The following EYS variants were observed in gnomAD, a reference collection of about 807,000 sequenced individuals.
EYS encodes EGF-like photoreceptor maintenance factor, also known as protein eyes shut homolog.
Under a neutral mutation model 282.1 loss-of-function variants are expected in EYS, and 250 were observed. The ratio of observed to expected loss-of-function variants is 0.89; its 90% confidence interval spans 0.80 to 0.98. EYS has a LOEUF of 0.98. EYS is among the 50% of genes least tolerant of loss of function. EYS has a pLI of 0.00. For synonymous variants in EYS, 1,355 were observed against 1,282.9 expected (o/e 1.06, Z -1.20); for missense variants, 4,016 against 3,709.0 (o/e 1.08, Z -2.15).
chr6:64,484,400 G>T (rs1776523752), intron 26 of EYS, among the ~76,000 whole-genome samples: 1 of 151,474 alleles, frequency 6.6e-6, no homozygotes, highest in Non-Finnish European at 1.5e-5. Flanking sequence ...TAGTAAAAAT[G>T]CTGCTCATGC....
At chr6:64,796,273 G>T (rs1774352215) in intron 22 of EYS, among the ~76,000 whole-genome samples, 1 of 147,336 alleles carries the variant, frequency 6.8e-6, no homozygotes, top group Non-Finnish European at 1.5e-5. Flanking sequence ...GTAGCTACTG[G>T]GATGGGCCAT....
intron 10 of EYS, among the ~76,000 whole-genome samples, chr6:65,340,998 T>G (rs562853853): frequency 6.6e-6 from 1 of 151,214 alleles, no homozygotes; most frequent in Non-Finnish European, 1.5e-5. Context: ...TTCACAAATG[T>G]CATGTTTCTG....
chr6:64,805,191 G>A (rs543742295), intron 22 of EYS, among the ~76,000 whole-genome samples: 127 of 152,024 alleles, frequency 8.4e-4, no homozygotes, highest in South Asian at 7.1e-3. Context: ...TGAATTAAAC[G>A]AGTAGTCTCA....
intron 31 of EYS, among the ~76,000 whole-genome samples, chr6:64,094,110 T>G (rs1772485396): frequency 1.3e-5 from 2 of 152,200 alleles, no homozygotes; most frequent in Non-Finnish European, 2.9e-5. Flanking sequence ...GAAGCCCACT[T>G]GATCATGGTG....
chr6:64,920,543 C>G (rs1448720757), intron 15 of EYS, among the ~76,000 whole-genome samples: 2 of 152,026 alleles, frequency 1.3e-5, no homozygotes, highest in Non-Finnish European at 2.9e-5. Context: ...CCAAGTAAGT[C>G]TGCTTTTAAA....
intron 12 of EYS, among the ~76,000 whole-genome samples, chr6:65,172,990 A>G (rs1765141034): frequency 6.6e-6 from 1 of 151,190 alleles, no homozygotes; most frequent in Non-Finnish European, 1.5e-5. Context: ...TTTAAAAAAA[A>G]AAAAACTTAG....
At chr6:63,802,465 T>TAA (rs544584332) in intron 37 of EYS, among the ~76,000 whole-genome samples, 1,790 of 144,902 alleles carry the variant, frequency 0.012, 30 homozygotes, top group African/African-American at 0.043. Flanking sequence ...AAAGTAAAAT[T>TAA]AAAAAAAAAA....
intron 1 of EYS, among the ~76,000 whole-genome samples, chr6:65,643,430 C>T (rs376677861): frequency 8.5e-5 from 13 of 152,280 alleles, no homozygotes; most frequent in East Asian, 7.7e-4. Context: ...TGCTACCACC[C>T]GGTGGTCTTT....
chr6:65,510,155 A>C (rs1010956103), intron 2 of EYS, among the ~76,000 whole-genome samples: 1 of 140,356 alleles, frequency 7.1e-6, no homozygotes, highest in Non-Finnish European at 1.6e-5. Context: ...ATATCTCCCA[A>C]TGCTATCCCT....
chr6:65,220,747 G>A (rs545671601), intron 12 of EYS, among the ~76,000 whole-genome samples: 3 of 152,072 alleles, frequency 2.0e-5, no homozygotes, highest in Non-Finnish European at 4.4e-5. Context: ...AGGGTTCAGA[G>A]GAAGACAGAA....
intron 19 of EYS, among the ~76,000 whole-genome samples, chr6:64,829,793 G>C (rs900684951): frequency 2.6e-5 from 4 of 151,972 alleles, no homozygotes; most frequent in African/African-American, 9.7e-5. Context: ...GGGGGTAAAA[G>C]TGAGTGAACC....
chr6:65,183,470 G>T lies in EYS; in HGVS notation c.2023+112393C>A, dbSNP rs1765441800. ...AAGGATCTTCTTTAAATTTTATATG[G>T]AATTTTGATGATGTGATAAAAGTGA... On this transcript the variant is annotated intron_variant, in intron 12 of 42. Transcript: ENST00000503581. 2.0e-5 allele frequency among the ~76,000 whole-genome samples: 3 copies of T among 151,826 alleles called. No homozygotes were observed. In the South Asian group the frequency reaches 6.2e-4, roughly 32 times the overall value.
At position 64,895,028 on chromosome 6, in the gene EYS, C is replaced by A. The variant is rs79231696; in HGVS notation, c.2846+7085G>T. 1.3e-3 allele frequency among the ~76,000 whole-genome samples: 204 copies of A among 152,192 alleles called. 2 individuals are homozygous for A. The highest frequency in any genetic ancestry group is 6.6e-3 in the Admixed American group (101 of 15,286). On this transcript the variant is annotated intron_variant, in intron 18 of 42. Transcript: ENST00000503581. ...TAGACCAATGGAGATTTTAAAGTGA[C>A]AGCAATTCTCTATTCCTGTGGTACT... is the stretch of plus-strand genomic sequence containing the variant.
intron 12 of EYS, 159 bp downstream of exon 12, chr6:65,295,704 T>A (rs1223636086): frequency 9.6e-6 from 6 of 622,854 alleles, no homozygotes; most frequent in Non-Finnish European, 1.5e-5. Context: ...ATCCTATTAT[T>A]CAAGTGAATG....
chr6:65,208,011 A>T (rs1346368819), intron 12 of EYS, among the ~76,000 whole-genome samples: 2 of 151,828 alleles, frequency 1.3e-5, no homozygotes, highest in African/African-American at 4.8e-5. Context: ...AAAAATAGAT[A>T]ACTGGGAATT....
At chr6:64,268,269 C>A (rs1767824176) in intron 30 of EYS, among the ~76,000 whole-genome samples, 1 of 151,938 alleles carries the variant, frequency 6.6e-6, no homozygotes, top group Non-Finnish European at 1.5e-5. Flanking sequence ...ACACACTGTT[C>A]ATGGCATCTT....
intron 35 of EYS, among the ~76,000 whole-genome samples, chr6:63,928,144 C>G (rs916759439): frequency 2.0e-5 from 3 of 152,110 alleles, no homozygotes; most frequent in African/African-American, 7.2e-5. Flanking sequence ...TATTTTGATG[C>G]TTTGAACATT....
chr6:64,974,393 G>A (rs1293322134), intron 14 of EYS, among the ~76,000 whole-genome samples: 1 of 148,498 alleles, frequency 6.7e-6, no homozygotes, highest in Non-Finnish European at 1.5e-5. Flanking sequence ...AATCACCTGA[G>A]GTGCTTGTTA....
At chr6:64,024,413 G>A (rs1769371982) in intron 33 of EYS, among the ~76,000 whole-genome samples, 1 of 152,104 alleles carries the variant, frequency 6.6e-6, no homozygotes, top group South Asian at 2.1e-4. Context: ...CTAGCTCAGG[G>A]ATTGTAAACG....
Sources: allele counts gnomAD v4.1 joint callset (sites outside exome capture counted in the v4.1 genomes callset), GRCh38; gene constraint gnomAD v4.1.1; transcripts MANE v1.5; gene names NCBI Gene and HGNC (gene_info 2026-07-23, HGNC 2026-07-21).